The following TMEM232 variants were observed in gnomAD, a reference collection of about 807,000 sequenced individuals.
TMEM232 encodes transmembrane protein 232.
Under a neutral mutation model 78.8 loss-of-function variants are expected in TMEM232, and 80 were observed. The ratio of observed to expected loss-of-function variants is 1.01; its 90% CI spans 0.85 to 1.22. The LOEUF (loss-of-function observed/expected upper bound fraction) is 1.22. Ranked by LOEUF, TMEM232 falls within the 50% of genes most tolerant of loss-of-function variation. TMEM232 has a pLI of 0.00. For synonymous variants in TMEM232, 297 were observed against 254.3 expected (o/e 1.17, Z -1.60); for missense variants, 881 against 742.2 (o/e 1.19, Z -2.17).
intron 10 of TMEM232, among the ~76,000 whole-genome samples, chr5:110,574,211 T>C (rs576409975): frequency 4.6e-5 from 7 of 152,220 alleles, no homozygotes; most frequent in East Asian, 1.9e-4. Flanking sequence ...TCTGCTACTT[T>C]GTATTATAGC....
intron 8 of TMEM232, among the ~76,000 whole-genome samples, chr5:110,608,654 A>C (rs368258944): frequency 1.3e-5 from 2 of 152,220 alleles, no homozygotes; most frequent in South Asian, 4.1e-4. Context: ...TTCACCAGCA[A>C]CACACTATTT....
intron 1 of TMEM232, among the ~76,000 whole-genome samples, chr5:110,693,826 G>C (rs1451785168): frequency 1.3e-5 from 2 of 152,192 alleles, no homozygotes; most frequent in African/African-American, 4.8e-5. Flanking sequence ...ATCTACGTCT[G>C]ATTGGTGTAC....
chr5:110,561,645 G>A (rs891433697), intron 11 of TMEM232, among the ~76,000 whole-genome samples: 1 of 151,966 alleles, frequency 6.6e-6, no homozygotes, highest in African/African-American at 2.4e-5. Flanking sequence ...AAACTAAGAG[G>A]CTTAACACAA....
intron 8 of TMEM232, among the ~76,000 whole-genome samples, chr5:110,612,701 T>A (rs1440908382): frequency 6.6e-6 from 1 of 152,170 alleles, no homozygotes; most frequent in Non-Finnish European, 1.5e-5. Context: ...TTTTTTGGAA[T>A]ACACTTATGG....
chr5:110,593,377 A>G (rs1322807077), intron 10 of TMEM232, among the ~76,000 whole-genome samples: 2 of 152,224 alleles, frequency 1.3e-5, no homozygotes, highest in African/African-American at 4.8e-5. Context: ...AAAAGATTTG[A>G]AAACTTCAAA....
At chr5:110,548,964 C>A (rs1774117119) in intron 11 of TMEM232, among the ~76,000 whole-genome samples, 1 of 151,690 alleles carries the variant, frequency 6.6e-6, no homozygotes, top group African/African-American at 2.4e-5. Flanking sequence ...ATAAATGTAA[C>A]AATAAAAGTC....
intron 4 of TMEM232, among the ~76,000 whole-genome samples, chr5:110,639,762 T>C (rs1786404379): frequency 6.6e-6 from 1 of 152,170 alleles, no homozygotes; most frequent in Non-Finnish European, 1.5e-5. Context: ...CCCCAACCTT[T>C]TTGGCACCAG....
intron 12 of TMEM232, among the ~76,000 whole-genome samples, chr5:110,519,548 C>T (rs558887525): frequency 2.0e-4 from 31 of 151,942 alleles, no homozygotes; most frequent in South Asian, 4.2e-4. Flanking sequence ...ACAGCCACTA[C>T]GGAGAACAGT....
At chr5:110,448,687 CCT>C in intron 12 of TMEM232, among the ~76,000 whole-genome samples, 1 of 151,932 alleles carries the variant, frequency 6.6e-6, no homozygotes, top group East Asian at 1.9e-4. Flanking sequence ...GTACATTCCC[CCT>C]CTCACATGGA....
chr5:110,624,965 T>C (rs546990351), intron 7 of TMEM232, among the ~76,000 whole-genome samples: 1 of 152,034 alleles, frequency 6.6e-6, no homozygotes, highest in African/African-American at 2.4e-5. Flanking sequence ...ATAAAAGAAG[T>C]TTTTGAAATG....
chr5:110,529,852 G>A (rs553544518), intron 11 of TMEM232, among the ~76,000 whole-genome samples: 1 of 152,260 alleles, frequency 6.6e-6, no homozygotes, highest in Admixed American at 6.5e-5. Context: ...GAAAATGTAA[G>A]TAAAAGGGCA....
At position 110,420,308 on chromosome 5, in the gene TMEM232, G is replaced by T. The variant is rs311694; in HGVS notation, c.*272C>A. On this transcript the variant is annotated 3_prime_UTR_variant, in exon 14 of 14. Transcript: ENST00000455884. The stretch of plus-strand genomic sequence containing the variant: ...GTATGCTGTACAATCATGAGATAAA[G>T]GTCAATTGAGAAAAATACTAGATGT... 56,942 of 258,094 alleles carry T rather than the reference G, an allele frequency of 0.22. 11,226 individuals carry two copies. The highest frequency in any genetic ancestry group is 0.61 in the African/African-American group (27,116 of 44,652). The allele number at this position is 258,094 out of a possible 1,614,324, so 16.0% of individuals were successfully genotyped here. A position where few individuals can be genotyped will look rare whatever the true frequency, so the allele number is the denominator to read the frequency against.
chr5:110,554,517 CT>C (rs1774846146), intron 11 of TMEM232, among the ~76,000 whole-genome samples: 1 of 152,042 alleles, frequency 6.6e-6, no homozygotes, highest in Admixed American at 6.6e-5. Context: ...ATACAAAAAC[CT>C]ACTTGATCAT....
intron 8 of TMEM232, chr5:110,610,546 T>C (rs952535504): frequency 2.2e-6 from 1 of 456,084 alleles, no homozygotes; most frequent in East Asian, 7.0e-5. Flanking sequence ...TGTGCAGAGC[T>C]TCTCAAAGTG....
chr5:110,527,995 C>T (rs965338139), intron 12 of TMEM232, among the ~76,000 whole-genome samples: 4 of 151,874 alleles, frequency 2.6e-5, no homozygotes, highest in African/African-American at 9.7e-5. Context: ...TGACTTTTAA[C>T]ATCTTAACAT....
At chr5:110,499,131 T>C (rs1765932543) in intron 12 of TMEM232, among the ~76,000 whole-genome samples, 1 of 151,546 alleles carries the variant, frequency 6.6e-6, no homozygotes, top group Non-Finnish European at 1.5e-5. Flanking sequence ...TAATGCAAAA[T>C]AAGATAGAAA....
chr5:110,463,348 T>C (rs1761736407), intron 12 of TMEM232, among the ~76,000 whole-genome samples: 1 of 152,214 alleles, frequency 6.6e-6, no homozygotes, highest in African/African-American at 2.4e-5. Context: ...TTTTGAGACA[T>C]AATGTTATTG....
intron 1 of TMEM232, among the ~76,000 whole-genome samples, chr5:110,723,364 C>T (rs1797836796): frequency 6.6e-6 from 1 of 152,094 alleles, no homozygotes. Flanking sequence ...GTGTGCTTTC[C>T]TGTTTGGCAA....
intron 2 of TMEM232, among the ~76,000 whole-genome samples, chr5:110,655,075 G>A (rs1210076570): frequency 6.6e-6 from 1 of 152,008 alleles, no homozygotes; most frequent in Non-Finnish European, 1.5e-5. Flanking sequence ...AAACTAAAGA[G>A]CTTCTGCACA....
Sources: allele counts gnomAD v4.1 joint callset (sites outside exome capture counted in the v4.1 genomes callset), GRCh38; gene constraint gnomAD v4.1.1; transcripts MANE v1.5; gene names NCBI Gene and HGNC (gene_info 2026-07-23, HGNC 2026-07-21).